ACER2: variants seen among roughly 807,000 people sequenced by gnomAD.
The protein encoded by ACER2 is alkaline ceramidase 2, also known as alkCDase 2.
ACER2 carries 26 observed loss-of-function variants against 34.7 expected under a neutral mutation model. The observed-to-expected ratio is 0.75, with a 90% CI of 0.55 to 1.04. ACER2 has a LOEUF of 1.04. Ranked by LOEUF, ACER2 falls within the 50% of genes least tolerant of loss-of-function variation. The probability of loss-of-function intolerance (pLI) is 0.00; values close to 1 mark genes in which losing one functional copy is unlikely to be tolerated. For synonymous variants in ACER2, 138 were observed against 132.1 expected (o/e 1.04, Z -0.31); for missense variants, 352 against 340.8 (o/e 1.03, Z -0.26).
At position 19,435,109 on chromosome 9, in the gene ACER2, C is replaced by T. The variant is rs775499285; in HGVS notation, c.503+25C>T. On this transcript the variant is annotated intron_variant, in intron 4 of 5. Coordinates refer to ENST00000340967, the MANE Select transcript of ACER2 (RefSeq NM_001010887.3). ...GGTAGGTGCCATCATTCCTGCCTAC[C>T]CTTAGCTGTCCCCGTGCTGGGAACA... The T allele has an allele frequency of 7.7e-5, 124 of 1,612,834 alleles. 1 individual carries two copies. In the South Asian group the frequency reaches 1.1e-3, roughly 14 times the overall value.
At chr9:19,426,304 TTCTC>T (rs1381584543) in intron 3 of ACER2, among the ~76,000 whole-genome samples, 4 of 149,168 alleles carry the variant, frequency 2.7e-5, no homozygotes, top group Non-Finnish European at 5.9e-5. Flanking sequence ...CTGTCTTTCT[TTCTC>T]TTTCTTTCTT....
At chr9:19,424,098 C>T (rs996930639) in intron 2 of ACER2, 122 bp downstream of exon 2, 3 of 943,268 alleles carry the variant, frequency 3.2e-6, no homozygotes, top group East Asian at 5.0e-5. Flanking sequence ...ACTCTGAGGT[C>T]TTAGCAAACT....
intron 2 of ACER2, 22 bp downstream of exon 2, chr9:19,423,998 C>G: frequency 6.4e-7 from 1 of 1,554,664 alleles, no homozygotes; most frequent in South Asian, 1.1e-5. Context: ...CATTTGGGAA[C>G]ACGGACTTAA....
At chr9:19,424,365 A>C (rs1830497056) in intron 2 of ACER2, 1 of 985,076 alleles carries the variant, frequency 1.0e-6, no homozygotes, top group African/African-American at 1.7e-5. Flanking sequence ...ATTTCCTCCC[A>C]CAGGCAGCCT....
chr9:19,449,098 C>G (rs894523516), intron 5 of ACER2, among the ~76,000 whole-genome samples: 2 of 152,158 alleles, frequency 1.3e-5, no homozygotes, highest in African/African-American at 2.4e-5. Context: ...CCACTGTACT[C>G]TAGCCTGAGC....
In ACER2 at chr9:19,434,905, ACTC is replaced by A. The variant is rs554378222; in HGVS notation, c.366-39_366-37del. 2,753 of 1,609,190 alleles carry A rather than the reference ACTC, an allele frequency of 1.7e-3. 8 individuals carry two copies. Among genetic ancestry groups the A allele is most frequent in the Non-Finnish European group, 1.9e-3 (2,274 of 1,178,424 alleles). On this transcript the variant is annotated intron_variant, in intron 3 of 5. Transcript: ENST00000340967. The stretch of plus-strand genomic sequence containing the variant: ...ACATTAAACAAACAAACAAACAAGA[ACTC>A]CTTTTCTAATGGATTTGGTTTTGCT...
rs1831591569 is a variant in ACER2, at chr9:19,452,194, G to A, written c.*1558G>A. Among the ~76,000 whole-genome samples, 1 of 152,162 alleles carries A rather than the reference G, an allele frequency of 6.6e-6. No individual in the cohort carries two copies. Among genetic ancestry groups the A allele is most frequent in the Non-Finnish European group, 1.5e-5 (1 of 68,032 alleles). ...GCTTTGTAACATTCCATTGTTGGGA[G>A]AGGGCAGGACAGGTGTGTTCTTCTG... On this transcript the variant is annotated 3_prime_UTR_variant, in exon 6 of 6. Transcript: ENST00000340967.
intron 3 of ACER2, 48 bp from the exon 4 acceptor site, chr9:19,434,899 A>G: frequency 3.1e-6 from 5 of 1,608,018 alleles, no homozygotes; most frequent in Non-Finnish European, 4.2e-6. Context: ...AAACAAACAA[A>G]CAAGAACTCC....
At chr9:19,417,066 A>C (rs1341179923) in intron 1 of ACER2, among the ~76,000 whole-genome samples, 1 of 150,372 alleles carries the variant, frequency 6.7e-6, no homozygotes, top group East Asian at 2.0e-4. Context: ...AATCACAAGC[A>C]TTCCTATACA....
chr9:19,448,873 G>A (rs1428236355), intron 5 of ACER2, among the ~76,000 whole-genome samples: 1 of 152,172 alleles, frequency 6.6e-6, no homozygotes, highest in East Asian at 1.9e-4. Context: ...GGGCGTGGTG[G>A]CTCACGCCCG....
intron 1 of ACER2, among the ~76,000 whole-genome samples, chr9:19,414,845 C>CA (rs34308694): frequency 0.16 from 17,612 of 111,650 alleles, 2,253 homozygotes; most frequent in African/African-American, 0.39. Context: ...GACTCCGCCT[C>CA]AAAAAAAAAA....
Position 19,440,815 on chromosome 9 carries a change from A to G in ACER2, c.504-5466A>G, listed in dbSNP as rs189251136. On this transcript the variant is annotated intron_variant, in intron 4 of 5. Transcript: ENST00000340967. ...CCCAGTCCTTCCTCTTAACTCTACT[A>G]TTATGTGTCTAGCTGCCTGCCTAAC... Among the ~76,000 whole-genome samples the G allele has an allele frequency of 5.9e-5, 9 of 152,098 alleles. No homozygotes were observed. In the East Asian group the frequency reaches 1.7e-3, roughly 29 times the overall value.
At chr9:19,446,665 A>C (rs10757059) in intron 5 of ACER2, 442,028 of 980,448 alleles carry the variant, frequency 0.45, 102,453 homozygotes, top group African/African-American at 0.7. Flanking sequence ...GCAGTCTTTT[A>C]CCTCTAACTC....
Position 19,427,305 on chromosome 9 carries a change from A to G in ACER2, c.365+2464A>G, listed in dbSNP as rs780333728. Among the ~76,000 whole-genome samples, 18 of 152,242 alleles carry G rather than the reference A, an allele frequency of 1.2e-4. 1 individual carries two copies. The highest frequency in any genetic ancestry group is 2.2e-4 in the Non-Finnish European group (15 of 68,042). ...CTGAGATATGCATACAAATCGATGG[A>G]GATAATGTACATTGACAATTTTAAT... On this transcript the variant is annotated intron_variant, in intron 3 of 5. Coordinates refer to ENST00000340967, the MANE Select transcript of ACER2 (RefSeq NM_001010887.3).
intron 5 of ACER2, 80 bp downstream of exon 5, chr9:19,446,498 G>T: frequency 6.3e-7 from 1 of 1,595,144 alleles, no homozygotes; most frequent in Non-Finnish European, 8.5e-7. Context: ...CCTGCAAGTG[G>T]TGCACAGGTG....
intron 4 of ACER2, among the ~76,000 whole-genome samples, chr9:19,439,932 G>A (rs1256620932): frequency 6.6e-5 from 10 of 152,080 alleles, no homozygotes; most frequent in Admixed American, 5.9e-4. Flanking sequence ...TGGAGATCAC[G>A]CCATTGCACT....
chr9:19,442,641 G>A lies in ACER2; in HGVS notation c.504-3640G>A, dbSNP rs1273941694. 2.6e-5 allele frequency among the ~76,000 whole-genome samples: 4 copies of A among 152,206 alleles called. No homozygotes were observed. The East Asian group carries it at 7.7e-4, about 29-fold the overall frequency. ...CTCCAACACATTGCTCTCCGTTCTG[G>A]TGTGTTCCTTAAGCCAAACTTTCTA... On this transcript the variant is annotated intron_variant, in intron 4 of 5. Transcript: ENST00000340967.
chr9:19,416,463 C>T (rs1830242622), intron 1 of ACER2, among the ~76,000 whole-genome samples: 1 of 152,054 alleles, frequency 6.6e-6, no homozygotes, highest in Non-Finnish European at 1.5e-5. Flanking sequence ...AGCCCTGGAG[C>T]CTTTCAGGGC....
chr9:19,434,984 G>T lies in ACER2; in HGVS notation c.403G>T (p.Val135Phe). 1 of 1,614,080 alleles carries T rather than the reference G, an allele frequency of 6.2e-7. No homozygotes were observed. ...FKVVVSVLSA[V>F]TTCLAFVKPA... ...GGTGGTGGTCAGTGTCCTGTCTGCG[G>T]TTACGACGTGCCTGGCATTTGTCAA... Residue 135 changes from valine to phenylalanine, a missense_variant, in exon 4 of 6, where the codon GTT becomes TTT. Coordinates refer to ENST00000340967, the MANE Select transcript of ACER2 (RefSeq NM_001010887.3).
Sources: allele counts gnomAD v4.1 joint callset (sites outside exome capture counted in the v4.1 genomes callset), GRCh38; gene constraint gnomAD v4.1.1; transcripts MANE v1.5; gene names NCBI Gene and HGNC (gene_info 2026-07-23, HGNC 2026-07-21).